The following ELAVL4 variants were observed in gnomAD, a reference collection of about 807,000 sequenced individuals.
ELAVL4 encodes ELAV like RNA binding protein 4.
In ELAVL4, 1 loss-of-function variant was observed where a neutral mutation model predicts 35.6. The observed-to-expected ratio is 0.03, with a 90% CI of 0.01 to 0.13. The LOEUF (loss-of-function observed/expected upper bound fraction) is 0.13. Among genes scored for constraint, ELAVL4 ranks in the 10% least tolerant of loss-of-function variants. The pLI, the probability that ELAVL4 is intolerant of heterozygous loss-of-function variation, is 1.00. For missense variants in ELAVL4, 267 were observed against 464.9 expected (o/e 0.57, Z 3.91); for synonymous variants, 156 against 171.0 (o/e 0.91, Z 0.69).
chr1:50,093,422 C>T (rs1449577518), intron 1 of ELAVL4, among the ~76,000 whole-genome samples: 5 of 152,186 alleles, frequency 3.3e-5, no homozygotes, highest in African/African-American at 1.2e-4. Context: ...CAACTGATGT[C>T]CTTTTGAACC....
intron 1 of ELAVL4, among the ~76,000 whole-genome samples, chr1:50,143,548 A>G (rs924080948): frequency 6.6e-6 from 1 of 152,178 alleles, no homozygotes; most frequent in Non-Finnish European, 1.5e-5. Context: ...GCTTTGCCAT[A>G]CGGTGGCATT....
At chr1:50,055,932 G>A (rs4388744) in intron 1 of ELAVL4, among the ~76,000 whole-genome samples, 48,776 of 151,898 alleles carry the variant, frequency 0.32, 8,524 homozygotes, top group East Asian at 0.73. Flanking sequence ...GGAAGTCTAC[G>A]CCAGGAAGTC....
At chr1:50,081,372 A>G (rs1433510872) in intron 1 of ELAVL4, among the ~76,000 whole-genome samples, 2 of 152,212 alleles carry the variant, frequency 1.3e-5, no homozygotes, top group African/African-American at 4.8e-5. Context: ...TGTGATTAAG[A>G]GCGGTCTCTG....
chr1:50,094,257 G>T (rs1057131091), intron 1 of ELAVL4, among the ~76,000 whole-genome samples: 23 of 152,272 alleles, frequency 1.5e-4, no homozygotes, highest in Admixed American at 7.2e-4. Flanking sequence ...AGAAGACTAT[G>T]AATCTACATA....
intron 1 of ELAVL4, among the ~76,000 whole-genome samples, chr1:50,061,192 G>T (rs1289028371): frequency 6.6e-6 from 1 of 152,142 alleles, no homozygotes; most frequent in Non-Finnish European, 1.5e-5. Flanking sequence ...AATAGCTTTG[G>T]TTTGTTCATA....
In ELAVL4 at chr1:50,201,628, G is replaced by A. The variant is rs1572650207; in HGVS notation, c.*450G>A. The A allele has an allele frequency of 6.6e-6, 1 of 151,348 alleles. No individual in the cohort carries two copies. Among genetic ancestry groups the A allele is most frequent in the Admixed American group, 6.6e-5 (1 of 15,216 alleles). The allele number at this position is 151,348 out of a possible 1,614,324, so 9.4% of individuals were successfully genotyped here. ...TTTTTACAAAGTAATGGGATTCAAA[G>A]AAAGGAAAAAAAGATTTTTCTTTTT... On this transcript the variant is annotated 3_prime_UTR_variant, in exon 7 of 7. Transcript: ENST00000371824. The surrounding 1 kb of genome is among the most constrained non-coding windows in gnomAD (Gnocchi z 4.3).
At chr1:50,131,996 A>G (rs1046990461) in intron 1 of ELAVL4, among the ~76,000 whole-genome samples, 7 of 152,142 alleles carry the variant, frequency 4.6e-5, no homozygotes, top group Admixed American at 4.6e-4. Flanking sequence ...AAGCAAACCC[A>G]TCATGCAGAG....
At chr1:50,195,466 C>A (rs17106009) in intron 4 of ELAVL4, 95 bp from the exon 5 acceptor site, 1 of 1,394,884 alleles carries the variant, frequency 7.2e-7, no homozygotes, top group Non-Finnish European at 1.0e-6. Flanking sequence ...GGTGGGCTTA[C>A]TCCTCACACA....
intron 1 of ELAVL4, among the ~76,000 whole-genome samples, chr1:50,094,693 G>A (rs1271298416): frequency 6.6e-6 from 1 of 151,654 alleles, no homozygotes; most frequent in East Asian, 1.9e-4. Context: ...ATCACCTGAG[G>A]TCAGGAGTTC....
At chr1:50,195,901 A>G in intron 5 of ELAVL4, 115 bp downstream of exon 5, 1 of 1,223,526 alleles carries the variant, frequency 8.2e-7, no homozygotes, top group Non-Finnish European at 1.1e-6. Flanking sequence ...CACCCCCAGG[A>G]ATCACTGTGC....
chr1:50,139,225 G>A (rs891916499), intron 1 of ELAVL4, among the ~76,000 whole-genome samples: 1 of 152,168 alleles, frequency 6.6e-6, no homozygotes, highest in Admixed American at 6.5e-5. Flanking sequence ...TCATTCTACA[G>A]TCCTTTATCT....
chr1:50,055,029 C>T (rs111362883), intron 1 of ELAVL4, among the ~76,000 whole-genome samples: 244 of 152,336 alleles, frequency 1.6e-3, no homozygotes, highest in Non-Finnish European at 2.7e-3. Context: ...TATGGGTTCT[C>T]TCAAGATCTA....
chr1:50,161,810 C>A (rs1277744320), intron 2 of ELAVL4, among the ~76,000 whole-genome samples: 1 of 152,204 alleles, frequency 6.6e-6, no homozygotes, highest in Admixed American at 6.5e-5. Context: ...CCTGCACCTC[C>A]TCCTCCCAGG....
At chr1:50,144,861 C>T (rs975305709) in intron 1 of ELAVL4, 96 bp from the exon 2 acceptor site, 3 of 1,549,388 alleles carry the variant, frequency 1.9e-6, no homozygotes, top group East Asian at 4.5e-5. Context: ...GCTTTATCTT[C>T]TTCTCTTTCT....
intron 1 of ELAVL4, among the ~76,000 whole-genome samples, chr1:50,088,454 T>A (rs1665345596): frequency 6.6e-6 from 1 of 152,194 alleles, no homozygotes; most frequent in African/African-American, 2.4e-5. Context: ...GTAGACCAAC[T>A]TTTCCTCGAG....
chr1:50,160,123 C>G (rs905177342), intron 2 of ELAVL4, among the ~76,000 whole-genome samples: 21 of 152,152 alleles, frequency 1.4e-4, no homozygotes, highest in African/African-American at 5.1e-4. Context: ...AGAGCTGAGC[C>G]ATTAGAAGGT....
upstream of ELAVL4, chr1:50,103,894 T>C: frequency 6.2e-7 from 1 of 1,609,218 alleles, no homozygotes; most frequent in Non-Finnish European, 8.5e-7. Context: ...GGGACTGGTG[T>C]GAAGAGAGAG....
chr1:50,164,794 C>T (rs907134303), intron 2 of ELAVL4, among the ~76,000 whole-genome samples: 12 of 152,090 alleles, frequency 7.9e-5, no homozygotes, highest in African/African-American at 2.9e-4. Flanking sequence ...TTTCCCGGTC[C>T]TTTTATGTTT....
chr1:50,097,346 G>A (rs948113033), intron 1 of ELAVL4, among the ~76,000 whole-genome samples: 3 of 152,186 alleles, frequency 2.0e-5, no homozygotes, highest in Non-Finnish European at 4.4e-5. Context: ...CCTTTAGCCA[G>A]CATTATTACA....
Sources: allele counts gnomAD v4.1 joint callset (sites outside exome capture counted in the v4.1 genomes callset), GRCh38; gene constraint gnomAD v4.1.1; non-coding constraint Gnocchi (gnomAD v3.1); transcripts MANE v1.5; gene names NCBI Gene and HGNC (gene_info 2026-07-23, HGNC 2026-07-21).